Variants in SUGCT observed in about 807,000 individuals in gnomAD.
SUGCT encodes the protein succinyl-CoA:glutarate CoA-transferase.
Under a neutral mutation model 55.0 loss-of-function variants are expected in SUGCT, and 41 were observed. That is an observed-to-expected ratio of 0.74 (90% CI 0.58 to 0.97). The LOEUF is 0.97. SUGCT is among the 50% of genes least tolerant of loss of function. The pLI is 0.00. For missense variants in SUGCT, 568 were observed against 547.8 expected (o/e 1.04, Z -0.37); for synonymous variants, 187 against 200.4 (o/e 0.93, Z 0.56).
chr7:40,623,441 A>G (rs1370920152), intron 12 of SUGCT, among the ~76,000 whole-genome samples: 1 of 152,074 alleles, frequency 6.6e-6, no homozygotes, highest in African/African-American at 2.4e-5. Flanking sequence ...GGAGAGCTGC[A>G]TTTCTCTCTC....
the SUGCT span, among the ~76,000 whole-genome samples, chr7:40,915,733 C>T: frequency 8.9e-6 from 1 of 111,946 alleles, no homozygotes. Context: ...TCCTGTCCAG[C>T]TGTGTGTGCA....
At chr7:40,960,128 G>C in the SUGCT span, among the ~76,000 whole-genome samples, 56 of 152,246 alleles carry the variant, frequency 3.7e-4, no homozygotes, top group African/African-American at 1.3e-3. Context: ...TGGCCATCTT[G>C]CCTGGAAATC....
the SUGCT span, among the ~76,000 whole-genome samples, chr7:40,982,216 C>T: frequency 6.6e-6 from 1 of 152,178 alleles, no homozygotes; most frequent in African/African-American, 2.4e-5. Flanking sequence ...AGGTTGTACA[C>T]ATCACCAAAA....
chr7:40,835,812 T>A (rs1328894488), intron 13 of SUGCT, among the ~76,000 whole-genome samples: 2 of 152,124 alleles, frequency 1.3e-5, no homozygotes, highest in African/African-American at 2.4e-5. Context: ...AATTGCCAGA[T>A]CCATCCAATT....
intron 13 of SUGCT, among the ~76,000 whole-genome samples, chr7:40,853,628 G>T (rs763543755): frequency 3.3e-5 from 5 of 152,164 alleles, no homozygotes; most frequent in Non-Finnish European, 7.3e-5. Context: ...GCTTCCTAAA[G>T]TGCTGGGATT....
intron 10 of SUGCT, among the ~76,000 whole-genome samples, chr7:40,456,914 A>G (rs1789519315): frequency 6.6e-6 from 1 of 152,152 alleles, no homozygotes; most frequent in South Asian, 2.1e-4. Flanking sequence ...AGAACCTTCC[A>G]GACTATCTTA....
intron 8 of SUGCT, among the ~76,000 whole-genome samples, chr7:40,279,024 G>GT (rs1554300694): frequency 6.6e-6 from 1 of 150,382 alleles, no homozygotes; most frequent in Non-Finnish European, 1.5e-5. Context: ...TTTAGAGATG[G>GT]GGGGGTCTGA....
At chr7:40,779,478 C>T (rs531256301) in intron 13 of SUGCT, among the ~76,000 whole-genome samples, 8 of 152,144 alleles carry the variant, frequency 5.3e-5, no homozygotes, top group African/African-American at 1.9e-4. Flanking sequence ...GATTTTGATG[C>T]GGGGTCAGCA....
intron 9 of SUGCT, among the ~76,000 whole-genome samples, chr7:40,324,646 C>CTATA (rs1402175449): frequency 6.6e-6 from 1 of 152,144 alleles, no homozygotes; most frequent in Non-Finnish European, 1.5e-5. Flanking sequence ...TCTATATGTG[C>CTATA]TACTATACAG....
intron 11 of SUGCT, among the ~76,000 whole-genome samples, chr7:40,491,659 CAA>C (rs11356280): frequency 6.8e-6 from 1 of 147,630 alleles, no homozygotes; most frequent in African/African-American, 2.5e-5. Flanking sequence ...CTGGGAGTGT[CAA>C]AAAAAAAAGC....
At chr7:40,999,380 T>C in the SUGCT span, among the ~76,000 whole-genome samples, 2 of 152,108 alleles carry the variant, frequency 1.3e-5, no homozygotes, top group African/African-American at 4.8e-5. Flanking sequence ...GATGGACAAA[T>C]TCACAATTTC....
chr7:40,230,124 A>G (rs1020751035), intron 6 of SUGCT, among the ~76,000 whole-genome samples: 15 of 152,108 alleles, frequency 9.9e-5, no homozygotes, highest in African/African-American at 3.4e-4. Context: ...CCTCTTTGAA[A>G]CCTGCTTCTT....
In SUGCT at chr7:40,308,761, A is replaced by G. The variant is rs571895580; in HGVS notation, c.721-7999A>G. 3.3e-5 allele frequency among the ~76,000 whole-genome samples: 5 copies of G among 152,294 alleles called. No individual in the cohort carries two copies. In the South Asian group the frequency reaches 1.0e-3, roughly 32 times the overall value. ...CACAGTGACTCATGCCTGTAATTCT[A>G]GCATTTGGGAGGCCCAGGCAGGTGG... is the stretch of plus-strand genomic sequence containing the variant. On this transcript the variant is annotated intron_variant, in intron 8 of 13. Transcript: ENST00000335693.
At chr7:40,836,048 A>AT (rs1490908097) in intron 13 of SUGCT, among the ~76,000 whole-genome samples, 4 of 148,140 alleles carry the variant, frequency 2.7e-5, no homozygotes, top group Admixed American at 6.8e-5. Context: ...TTATGTCACT[A>AT]TGCCTACTAA....
chr7:40,667,578 C>CTTT (rs141927833), intron 12 of SUGCT, among the ~76,000 whole-genome samples: 1 of 135,538 alleles, frequency 7.4e-6, no homozygotes, highest in Non-Finnish European at 1.6e-5. Flanking sequence ...TGGCCCAGGG[C>CTTT]TTTTTTTTTT....
At chr7:40,978,377 A>G in the SUGCT span, among the ~76,000 whole-genome samples, 5 of 152,200 alleles carry the variant, frequency 3.3e-5, no homozygotes, top group Admixed American at 6.5e-5. Context: ...GGACAGCTTA[A>G]CTCTTGCCAA....
intron 11 of SUGCT, 137 bp from the exon 12 acceptor site, chr7:40,496,147 T>C (rs1791959396): frequency 1.7e-6 from 1 of 584,730 alleles, no homozygotes. Context: ...GACAACCTTC[T>C]CTCAAATGAG....
At chr7:40,819,365 G>A (rs570621963) in intron 13 of SUGCT, among the ~76,000 whole-genome samples, 2 of 152,232 alleles carry the variant, frequency 1.3e-5, no homozygotes, top group East Asian at 3.9e-4. Flanking sequence ...CCAGTTTACA[G>A]TCCCACCAAC....
downstream of SUGCT, among the ~76,000 whole-genome samples, chr7:40,861,401 A>G (rs550156874): frequency 1.1e-4 from 16 of 152,352 alleles, no homozygotes; most frequent in African/African-American, 3.6e-4. Flanking sequence ...TTCAATGGAT[A>G]TAAAGTATAA....
Sources: gnomAD v4.1 joint callset for allele counts (sites outside exome capture counted in the v4.1 genomes callset) on GRCh38, gnomAD v4.1.1 for gene constraint, MANE v1.5 for transcripts, NCBI Gene and HGNC (gene_info 2026-07-23, HGNC 2026-07-21) for gene names.